The following FAM174B variants were observed in gnomAD, a reference collection of about 807,000 sequenced individuals.
FAM174B encodes the protein family with sequence similarity 174 member B.
A neutral mutation model predicts 10.9 loss-of-function variants in FAM174B; 12 were observed. The observed-to-expected ratio is 1.10, with a 90% CI of 0.71 to 1.79. The LOEUF (loss-of-function observed/expected upper bound fraction) is 1.79. Among genes scored for constraint, FAM174B ranks in the 40% most tolerant of loss-of-function variants. FAM174B has a pLI of 0.00. For missense variants in FAM174B, 266 were observed against 233.3 expected, an observed-to-expected ratio of 1.14 and a Z score of -0.91; for synonymous variants, 132 against 115.8, an observed-to-expected ratio of 1.14 and a Z score of -0.90.
intron 1 of FAM174B, among the ~76,000 whole-genome samples, chr15:92,649,455 G>C (rs1191862025): frequency 2.0e-5 from 3 of 152,234 alleles, no homozygotes; most frequent in Non-Finnish European, 4.4e-5. Flanking sequence ...TTTATGGACA[G>C]AAGCAAGACC....
intron 2 of FAM174B, among the ~76,000 whole-genome samples, chr15:92,626,379 G>A (rs571152462): frequency 3.3e-5 from 5 of 152,118 alleles, no homozygotes; most frequent in Admixed American, 6.5e-5. Flanking sequence ...TTATAGGCGC[G>A]TGCCACCGCA....
At chr15:92,623,019 G>T (rs2050729742) in intron 2 of FAM174B, among the ~76,000 whole-genome samples, 1 of 152,090 alleles carries the variant, frequency 6.6e-6, no homozygotes, top group African/African-American at 2.4e-5. Context: ...AGCTGGGCGT[G>T]GTGGCAGGCG....
chr15:92,632,473 C>G (rs886772512), intron 1 of FAM174B, among the ~76,000 whole-genome samples: 1 of 152,190 alleles, frequency 6.6e-6, no homozygotes, highest in South Asian at 2.1e-4. Context: ...GCTGAGATTG[C>G]GCCACTGCCC....
At position 92,628,271 on chromosome 15, in the gene FAM174B, C is replaced by G. The variant is rs2050766776; in HGVS notation, c.476+1943G>C. On this transcript the variant is annotated intron_variant, in intron 2 of 2. Transcript: ENST00000327355. ...CCTTGATCTCCCAGGCTCCAGTGATCCTCCCACCTCAGCCTCCCAAGTAGC... is the reference window on the plus strand; with the variant it reads ...CCTTGATCTCCCAGGCTCCAGTGATGCTCCCACCTCAGCCTCCCAAGTAGC... 2.0e-5 allele frequency among the ~76,000 whole-genome samples: 3 copies of G among 150,766 alleles called. No homozygotes were observed. The South Asian group carries it at 6.3e-4, about 32-fold the overall frequency.
intron 1 of FAM174B, among the ~76,000 whole-genome samples, chr15:92,648,411 C>A (rs1453825951): frequency 1.3e-5 from 2 of 152,142 alleles, no homozygotes; most frequent in Non-Finnish European, 2.9e-5. Context: ...TAATTAAACA[C>A]CCTGGGAAGA....
chr15:92,620,370 T>C (rs1405938237), intron 2 of FAM174B, among the ~76,000 whole-genome samples: 1 of 152,022 alleles, frequency 6.6e-6, no homozygotes, highest in African/African-American at 2.4e-5. Flanking sequence ...TGGTGGTGGG[T>C]GCCTGTAGTC....
intron 1 of FAM174B, among the ~76,000 whole-genome samples, chr15:92,639,795 G>T (rs1567047810): frequency 6.6e-6 from 1 of 152,150 alleles, no homozygotes; most frequent in African/African-American, 2.4e-5. Context: ...CACCATGTGA[G>T]TGCCTGCTCC....
intron 2 of FAM174B, among the ~76,000 whole-genome samples, chr15:92,626,114 A>ATTTTTTTT (rs67649021): frequency 9.5e-6 from 1 of 105,084 alleles, no homozygotes; most frequent in Non-Finnish European, 1.9e-5. Context: ...AGGTTGCTGG[A>ATTTTTTTT]TTTTTTTTTT....
intron 1 of FAM174B, among the ~76,000 whole-genome samples, chr15:92,635,579 C>CTTT (rs34666199): frequency 2.3e-5 from 3 of 128,232 alleles, no homozygotes; most frequent in African/African-American, 2.9e-5. Flanking sequence ...ATATTTCTTT[C>CTTT]TTTTTTTTTT....
rs545719354 is a variant in FAM174B at position 92,647,955 on chromosome 15, A to G, written c.344+7361T>C. 2.6e-5 allele frequency among the ~76,000 whole-genome samples: 4 copies of G among 151,866 alleles called. No homozygotes were observed. In the South Asian group the frequency reaches 8.4e-4, roughly 32 times the overall value. On this transcript the variant is annotated intron_variant, in intron 1 of 2. Coordinates refer to ENST00000327355, the MANE Select transcript of FAM174B (RefSeq NM_207446.3). ...CATAACAAGAACCTTGGTCTCCACAACCCCCCTTATCTTAACTCAAGCATT... is the reference window on the plus strand; with the variant it reads ...CATAACAAGAACCTTGGTCTCCACAGCCCCCCTTATCTTAACTCAAGCATT...
At chr15:92,619,503 C>A (rs370127193) in intron 2 of FAM174B, 44 bp from the exon 3 acceptor site, 39 of 1,604,324 alleles carry the variant, frequency 2.4e-5, no homozygotes, top group Non-Finnish European at 3.2e-5. Flanking sequence ...TCTGGCAGAG[C>A]CTCGCACCCA....
chr15:92,631,964 G>C (rs903795224), intron 1 of FAM174B, among the ~76,000 whole-genome samples: 1 of 151,972 alleles, frequency 6.6e-6, no homozygotes, highest in Non-Finnish European at 1.5e-5. Flanking sequence ...GTGCTTGTGT[G>C]ATCAGGGGCA....
chr15:92,643,343 A>AGTGTGTGTGTGTGTGT (rs1309760071), intron 1 of FAM174B, among the ~76,000 whole-genome samples: 3 of 17,886 alleles, frequency 1.7e-4, no homozygotes, highest in Admixed American at 3.3e-4. Context: ...ATAGGGAAGG[A>AGTGTGTGTGTGTGTGT]ATGTGTGTGT....
At position 92,655,646 on chromosome 15, in the gene FAM174B, G is replaced by A; in HGVS notation, c.14C>T (p.Pro5Leu). The change falls in exon 1 of 3, where the codon CCG becomes CTG. Residue 5 changes from proline to leucine, a missense_variant. Pro to Leu is a moderately conservative substitution (Grantham distance 98). Coordinates refer to ENST00000327355, the MANE Select transcript of FAM174B (RefSeq NM_207446.3). ...CAGCGGCAGGAGCGGGGCGGGCAGCGGCACGGCGCGCATAGTGCGGTGGGT... is the reference window on the plus strand; with the variant it reads ...CAGCGGCAGGAGCGGGGCGGGCAGCAGCACGGCGCGCATAGTGCGGTGGGT... MRAVPLPAPLLPLLL... is the reference protein window; with the variant it reads MRAVLLPAPLLPLLL... 8.0e-7 allele frequency: 1 copy of A among 1,254,696 alleles called. No homozygotes were observed. The highest frequency in any genetic ancestry group is 9.9e-7 in the Non-Finnish European group (1 of 1,005,030). The allele number at this position is 1,254,696 out of a possible 1,614,324, so 77.7% of individuals were successfully genotyped here.
In FAM174B at chr15:92,618,734, GCACACACGTGCA is replaced by G. The variant is rs879820011; in HGVS notation, c.*710_*721del. ...TTATAGGTATCACACACGTGCACAC[GCACACACGTGCA>G]CACACACACACACACACACGCACAG... is the stretch of plus-strand genomic sequence containing the variant. On this transcript the variant is annotated 3_prime_UTR_variant, in exon 3 of 3. Coordinates refer to ENST00000327355, the MANE Select transcript of FAM174B (RefSeq NM_207446.3). The G allele has an allele frequency of 0.045, 5,853 of 129,996 alleles. 127 individuals carry two copies. The highest frequency in any genetic ancestry group is 0.085 in the Middle Eastern group (24 of 282). The allele number at this position is 129,996 out of a possible 1,614,324, so 8.1% of individuals were successfully genotyped here. A position where few individuals can be genotyped will look rare whatever the true frequency, so the allele number is the denominator to read the frequency against.
chr15:92,643,343 A>AGTGTGTGTGTGT (rs1309760071), intron 1 of FAM174B, among the ~76,000 whole-genome samples: 36 of 17,902 alleles, frequency 2.0e-3, no homozygotes, highest in Admixed American at 0.011. Context: ...ATAGGGAAGG[A>AGTGTGTGTGTGT]ATGTGTGTGT....
In FAM174B at chr15:92,619,074, G is replaced by T. The variant is rs1275027943; in HGVS notation, c.*382C>A. 3.2e-6 allele frequency: 2 copies of T among 624,304 alleles called. No individual in the cohort carries two copies. Among genetic ancestry groups the T allele is most frequent in the East Asian group, 5.4e-5 (2 of 36,716 alleles). 38.7% of individuals were successfully genotyped at this position (624,304 alleles called of 1,614,324 possible). A position where few individuals can be genotyped will look rare whatever the true frequency, so the allele number is the denominator to read the frequency against. Reference sequence around the variant, plus strand: ...ACACAGTTGGACATCCTTCAGGCTTGTTTTAGATTCTTGATCCTCCTGATC... The same window carrying T: ...ACACAGTTGGACATCCTTCAGGCTTTTTTTAGATTCTTGATCCTCCTGATC... On this transcript the variant is annotated 3_prime_UTR_variant, in exon 3 of 3. Coordinates refer to ENST00000327355, the MANE Select transcript of FAM174B (RefSeq NM_207446.3).
Position 92,619,042 on chromosome 15 carries a change from T to A in FAM174B, c.*414A>T. On this transcript the variant is annotated 3_prime_UTR_variant, in exon 3 of 3. Coordinates refer to ENST00000327355, the MANE Select transcript of FAM174B (RefSeq NM_207446.3). ...TCCAGTAGAGAAGAATGTCGGAAAT[T>A]CTAAATACACAGTTGGACATCCTTC... 3 of 374,572 alleles carry A rather than the reference T, an allele frequency of 8.0e-6. No homozygotes were observed. Among genetic ancestry groups the A allele is most frequent in the Non-Finnish European group, 1.4e-5 (3 of 216,066 alleles). The allele number at this position is 374,572 out of a possible 1,614,324, so 23.2% of individuals were successfully genotyped here.
At chr15:92,624,505 G>A (rs2141948960) in intron 2 of FAM174B, among the ~76,000 whole-genome samples, 1 of 152,326 alleles carries the variant, frequency 6.6e-6, no homozygotes, top group East Asian at 1.9e-4. Flanking sequence ...AGAGCTCCCG[G>A]GTAGCAAGCC....
Sources: allele counts gnomAD v4.1 joint callset (sites outside exome capture counted in the v4.1 genomes callset), GRCh38; gene constraint gnomAD v4.1.1; transcripts MANE v1.5; gene names NCBI Gene and HGNC (gene_info 2026-07-23, HGNC 2026-07-21).